RUNX2: variants seen among roughly 807,000 people sequenced by gnomAD.
RUNX2 encodes runt-related transcription factor 2.
RUNX2 carries 10 observed loss-of-function variants against 51.7 expected under a neutral mutation model. That is an observed-to-expected ratio of 0.19 (90% CI 0.12 to 0.33). The LOEUF is 0.33. Among genes scored for constraint, RUNX2 ranks in the 10% least tolerant of loss-of-function variants. The pLI is 1.00. For synonymous variants in RUNX2, 276 were observed against 273.6 expected, an observed-to-expected ratio of 1.01 and a Z score of -0.09; for missense variants, 562 against 691.3, an observed-to-expected ratio of 0.81 and a Z score of 2.10.
intron 7 of RUNX2, among the ~76,000 whole-genome samples, chr6:45,515,585 A>G (rs1354310205): frequency 6.6e-6 from 1 of 152,210 alleles, no homozygotes; most frequent in Admixed American, 6.5e-5. Flanking sequence ...AAAATAGATC[A>G]CCGCAGGGCA....
intron 6 of RUNX2, among the ~76,000 whole-genome samples, chr6:45,505,359 C>A (rs1261340354): frequency 6.6e-6 from 1 of 150,928 alleles, no homozygotes; most frequent in African/African-American, 2.4e-5. Context: ...TCCTGGGATG[C>A]CTTTTTTTTT....
intron 2 of RUNX2, among the ~76,000 whole-genome samples, chr6:45,379,061 C>T (rs544223625): frequency 1.3e-5 from 2 of 152,266 alleles, no homozygotes; most frequent in South Asian, 4.1e-4. Flanking sequence ...CTTCTATTTG[C>T]TTAAATTGTT....
intron 5 of RUNX2, among the ~76,000 whole-genome samples, chr6:45,470,390 A>G (rs1316625625): frequency 1.3e-5 from 2 of 152,242 alleles, no homozygotes; most frequent in African/African-American, 4.8e-5. Flanking sequence ...GAATCAGTCA[A>G]TTAAAAACCA....
intron 5 of RUNX2, among the ~76,000 whole-genome samples, chr6:45,455,206 C>T (rs2081140595): frequency 6.6e-6 from 1 of 152,246 alleles, no homozygotes; most frequent in South Asian, 2.1e-4. Context: ...TTATTTAAAA[C>T]AACTGCGTTA....
rs765880141 is a variant in RUNX2, at chr6:45,328,378, T to C, written c.-149T>C. On this transcript the variant is annotated 5_prime_UTR_variant, in exon 1 of 9. Transcript: ENST00000647337. ...AACCACAAGTGCGGTGCAAACTTTCTCCAGGAGGACAGCAAGAAGTCTCTG... is the reference window on the plus strand; with the variant it reads ...AACCACAAGTGCGGTGCAAACTTTCCCCAGGAGGACAGCAAGAAGTCTCTG... The C allele has an allele frequency of 7.2e-7, 1 of 1,392,818 alleles. No individual in the cohort carries two copies. Among genetic ancestry groups the C allele is most frequent in the South Asian group, 1.1e-5 (1 of 88,248 alleles). The allele number at this position is 1,392,818 out of a possible 1,614,324, so 86.3% of individuals were successfully genotyped here.
rs1352066437 is a variant in RUNX2, at chr6:45,422,860, A to T, written c.326A>T (p.His109Leu). The part of the protein sequence containing the change: ...NRTMVEIIAD[H>L]PAELVRTDSP... ...ACCATGGTGGAGATCATCGCCGACC[A>T]CCCGGCCGAACTCGTCCGCACCGAC... is the stretch of plus-strand genomic sequence containing the variant. The change falls in exon 3 of 9, where the codon CAC becomes CTC. Residue 109 changes from histidine (H) to leucine (L), a missense_variant. Transcript: ENST00000647337. The T allele has an allele frequency of 6.2e-7, 1 of 1,611,118 alleles. No homozygotes were observed. Among genetic ancestry groups the T allele is most frequent in the Non-Finnish European group, 8.5e-7 (1 of 1,179,406 alleles).
Position 45,384,377 on chromosome 6 carries a change from G to A in RUNX2, c.59-38216G>A, listed in dbSNP as rs143281586. On this transcript the variant is annotated intron_variant, in intron 2 of 8. Transcript: ENST00000647337. ...TCAGCTCACTGCAACCTCTACCTCC[G>A]GTGTTCAAGCTATTCTTATGTCTCA... 1.7e-3 allele frequency among the ~76,000 whole-genome samples: 265 copies of A among 151,826 alleles called. 2 individuals are homozygous for A. The highest frequency in any genetic ancestry group is 5.6e-3 in the African/African-American group (233 of 41,442).
intron 2 of RUNX2, among the ~76,000 whole-genome samples, chr6:45,331,986 C>T (rs1787610646): frequency 6.6e-6 from 1 of 151,906 alleles, no homozygotes; most frequent in Non-Finnish European, 1.5e-5. Context: ...GGAGCTAACT[C>T]ATTGAAGGCA....
intron 6 of RUNX2, among the ~76,000 whole-genome samples, chr6:45,508,843 T>G (rs1022844619): frequency 2.0e-5 from 3 of 152,222 alleles, no homozygotes; most frequent in Non-Finnish European, 4.4e-5. Context: ...GAATTACTAA[T>G]TATGACTTAA....
chr6:45,422,522 C>A, intron 2 of RUNX2, 71 bp from the exon 3 acceptor site: 2 of 1,278,742 alleles, frequency 1.6e-6, no homozygotes, highest in Non-Finnish European at 2.1e-6. Context: ...CCTTGCCCCT[C>A]ATTTCCACCC....
intron 7 of RUNX2, among the ~76,000 whole-genome samples, chr6:45,521,388 A>T (rs535666922): frequency 6.6e-6 from 1 of 152,226 alleles, no homozygotes; most frequent in Non-Finnish European, 1.5e-5. Flanking sequence ...CATATTTAGA[A>T]CACATATCAA....
In RUNX2 at chr6:45,405,009, C is replaced by T. The variant is rs187414687; in HGVS notation, c.59-17584C>T. On this transcript the variant is annotated intron_variant, in intron 2 of 8. Coordinates refer to ENST00000647337, the MANE Select transcript of RUNX2 (RefSeq NM_001024630.4). ...GAGTTCTACAGTTTCTCTTCACAGT[C>T]TGCTTTGATGAAAGCATTAACTCAT... 1.4e-3 allele frequency among the ~76,000 whole-genome samples: 218 copies of T among 152,364 alleles called. 1 individual carries two copies. Among genetic ancestry groups the T allele is most frequent in the South Asian group, 5.0e-3 (24 of 4,830 alleles).
chr6:45,365,269 A>C, intron 2 of RUNX2: 2 of 1,612,512 alleles, frequency 1.2e-6, no homozygotes, highest in Non-Finnish European at 1.7e-6. Flanking sequence ...TTGAAGTTGC[A>C]GTAGACATTG....
At chr6:45,519,836 G>GTGTGTA (rs1430887373) in intron 7 of RUNX2, among the ~76,000 whole-genome samples, 2,495 of 134,452 alleles carry the variant, frequency 0.019, 41 homozygotes, top group Admixed American at 0.052. Flanking sequence ...GTGTGTGTGT[G>GTGTGTA]TATATATTTG....
Position 45,547,626 on chromosome 6 carries a change from G to T in RUNX2, c.*321G>T. ...TTTGGTCTGTTATCATCAATAACCT[G>T]TTCATATGCCAATTCAGAGAGGTGG... On this transcript the variant is annotated 3_prime_UTR_variant, in exon 9 of 9. Transcript: ENST00000647337. 2.8e-6 allele frequency: 1 copy of T among 359,750 alleles called. No individual in the cohort carries two copies. Among genetic ancestry groups the T allele is most frequent in the South Asian group, 2.5e-5 (1 of 40,330 alleles). 22.3% of individuals were successfully genotyped at this position (359,750 alleles called of 1,614,324 possible).
intron 2 of RUNX2, among the ~76,000 whole-genome samples, chr6:45,351,207 T>C (rs1369990160): frequency 6.6e-6 from 1 of 151,936 alleles, no homozygotes; most frequent in East Asian, 1.9e-4. Flanking sequence ...ACAAAAAAAT[T>C]ATGCTCTAAA....
At chr6:45,398,976 A>T (rs1299643694) in intron 2 of RUNX2, among the ~76,000 whole-genome samples, 1 of 152,132 alleles carries the variant, frequency 6.6e-6, no homozygotes, top group Non-Finnish European at 1.5e-5. Flanking sequence ...TGCAGAAAAG[A>T]TGTTTGAAGC....
chr6:45,471,602 G>T (rs1202047595), intron 5 of RUNX2, among the ~76,000 whole-genome samples: 2 of 151,802 alleles, frequency 1.3e-5, no homozygotes, highest in African/African-American at 2.4e-5. Context: ...CCACCACCAC[G>T]CCCAGCTAAT....
chr6:45,422,509 C>T (rs1798228988), intron 2 of RUNX2, 84 bp from the exon 3 acceptor site: 2 of 773,868 alleles, frequency 2.6e-6, no homozygotes. Flanking sequence ...CCCCCAATTT[C>T]CTCCTTGCCC....
Sources: gnomAD v4.1 joint callset for allele counts (sites outside exome capture counted in the v4.1 genomes callset) on GRCh38, gnomAD v4.1.1 for gene constraint, MANE v1.5 for transcripts, NCBI Gene and HGNC (gene_info 2026-07-23, HGNC 2026-07-21) for gene names.